Variants in CHD9 observed in about 807,000 individuals in gnomAD.
The protein encoded by CHD9 is chromodomain helicase DNA binding protein 9, also known as ATP-dependent chromatin remodeler CHD9.
A neutral mutation model predicts 316.1 loss-of-function variants in CHD9; 77 were observed. The ratio of observed to expected loss-of-function variants is 0.24; its 90% CI spans 0.20 to 0.29. The LOEUF (loss-of-function observed/expected upper bound fraction) is 0.29. Ranked by LOEUF, CHD9 falls within the 10% of genes least tolerant of loss-of-function variation. The pLI is 1.00. For synonymous variants in CHD9, 1,129 were observed against 1,158.3 expected, an observed-to-expected ratio of 0.97 and a Z score of 0.51; for missense variants, 2,763 against 3,438.1, an observed-to-expected ratio of 0.80 and a Z score of 4.91.
rs576133711 is a variant in CHD9, at chr16:53,097,504, A to G, written c.-165+42427A>G. 3.3e-5 allele frequency among the ~76,000 whole-genome samples: 5 copies of G among 152,130 alleles called. No homozygotes were observed. In the East Asian group the frequency reaches 7.8e-4, roughly 24 times the overall value. On this transcript the variant is annotated intron_variant, in intron 1 of 38. Transcript: ENST00000447540. ...AGCCTCAAACTCCTAGGCTCAAGCA[A>G]TCAGCCCCCATCAGCCTCCCAAAGC... is the stretch of plus-strand genomic sequence containing the variant.
chr16:53,254,606 G>A lies in CHD9; in HGVS notation c.4029+1G>A. The A allele has an allele frequency of 1.3e-6, 2 of 1,584,370 alleles. No individual in the cohort carries two copies. Among genetic ancestry groups the A allele is most frequent in the Non-Finnish European group, 1.7e-6 (2 of 1,161,612 alleles). ...TGGAAGAGAAAGTAATGTTGGTGGT[G>A]TATGTATAGTTTCTTTTTCACTTGA... On this transcript the variant is annotated splice_donor_variant, in intron 18 of 38. Transcript: ENST00000447540. LOFTEE classifies it high-confidence loss of function.
intron 8 of CHD9, among the ~76,000 whole-genome samples, chr16:53,230,633 C>T (rs1031448998): frequency 6.6e-5 from 10 of 151,752 alleles, no homozygotes; most frequent in Admixed American, 1.3e-4. Context: ...AGGGGAGAGT[C>T]GGTGAAGAAT....
chr16:53,306,538 A>G, intron 32 of CHD9, 141 bp downstream of exon 32: 2 of 555,274 alleles, frequency 3.6e-6, no homozygotes, highest in Non-Finnish European at 6.0e-6. Context: ...CCAAAAGTAT[A>G]AATTACTGCT....
chr16:53,277,055 G>A (rs2052912293), intron 24 of CHD9, among the ~76,000 whole-genome samples: 1 of 151,974 alleles, frequency 6.6e-6, no homozygotes, highest in Non-Finnish European at 1.5e-5. Context: ...GCTTAAATCA[G>A]GAAGAATTAG....
chr16:53,241,873 C>G (rs1054717840), intron 12 of CHD9, among the ~76,000 whole-genome samples: 14 of 152,202 alleles, frequency 9.2e-5, no homozygotes, highest in African/African-American at 3.4e-4. Flanking sequence ...TATGTCAAAT[C>G]AGGACACTTC....
At chr16:53,188,395 A>G (rs2044204751) in intron 2 of CHD9, among the ~76,000 whole-genome samples, 1 of 151,830 alleles carries the variant, frequency 6.6e-6, no homozygotes, top group Admixed American at 6.6e-5. Flanking sequence ...TAACTTTTAT[A>G]TTTTTCCAGA....
At chr16:53,212,129 C>G (rs1310938690) in intron 3 of CHD9, among the ~76,000 whole-genome samples, 12 of 152,058 alleles carry the variant, frequency 7.9e-5, no homozygotes, top group Non-Finnish European at 1.8e-4. Flanking sequence ...TGGCTGGGCG[C>G]GGTGGCTCAT....
chr16:53,210,557 A>G (rs2046250547), intron 3 of CHD9, among the ~76,000 whole-genome samples: 1 of 152,092 alleles, frequency 6.6e-6, no homozygotes, highest in African/African-American at 2.4e-5. Flanking sequence ...CTTAGCATGC[A>G]AGGGTAAGCA....
rs146278109 is a variant in CHD9, at chr16:53,297,217, C to T, written c.5713+59C>T. Reference sequence around the variant, plus strand: ...CAAAGAAGCAAAAATCACTAAAATTCGGAAATTTCCAATTTGTCTCTTTTA... The same window carrying T: ...CAAAGAAGCAAAAATCACTAAAATTTGGAAATTTCCAATTTGTCTCTTTTA... On this transcript the variant is annotated intron_variant, in intron 30 of 38. Coordinates refer to ENST00000447540, the MANE Select transcript of CHD9 (RefSeq NM_001308319.2). 68 of 1,254,516 alleles carry T rather than the reference C, an allele frequency of 5.4e-5. No homozygotes were observed. The African/African-American group carries it at 6.9e-4, about 13-fold the overall frequency. 77.7% of individuals were successfully genotyped at this position (1,254,516 alleles called of 1,614,324 possible).
At chr16:53,232,430 T>C (rs1402129935) in intron 10 of CHD9, among the ~76,000 whole-genome samples, 1 of 152,208 alleles carries the variant, frequency 6.6e-6, no homozygotes, top group African/African-American at 2.4e-5. Flanking sequence ...ATATATGTTA[T>C]AGGCCTTGGT....
At chr16:53,235,155 A>C in intron 10 of CHD9, 30 bp from the exon 11 acceptor site, 1 of 1,540,866 alleles carries the variant, frequency 6.5e-7, no homozygotes, top group East Asian at 2.4e-5. Flanking sequence ...GAAGATTTAA[A>C]CACCATTCAT....
At chr16:53,140,923 C>G (rs2040064515) in intron 1 of CHD9, among the ~76,000 whole-genome samples, 1 of 152,046 alleles carries the variant, frequency 6.6e-6, no homozygotes, top group Admixed American at 6.6e-5. Context: ...GTGGGAATGC[C>G]AACAAAGTAA....
chr16:53,211,561 T>C (rs961177163), intron 3 of CHD9, among the ~76,000 whole-genome samples: 2 of 152,132 alleles, frequency 1.3e-5, no homozygotes, highest in African/African-American at 4.8e-5. Context: ...GGTAAAATAT[T>C]GAGTAGTTGC....
intron 3 of CHD9, among the ~76,000 whole-genome samples, chr16:53,220,379 A>G (rs1377514402): frequency 2.6e-5 from 4 of 152,216 alleles, no homozygotes; most frequent in African/African-American, 4.8e-5. Context: ...AAGTCTAGTC[A>G]TCCAGTCAAT....
intron 36 of CHD9, among the ~76,000 whole-genome samples, chr16:53,316,995 T>C (rs2056926866): frequency 1.3e-5 from 2 of 151,706 alleles, no homozygotes; most frequent in South Asian, 4.2e-4. Context: ...GGTCAGGAGT[T>C]CAAGACCAAC....
chr16:53,097,354 CCCTTCCTT>C (rs58688221), intron 1 of CHD9, among the ~76,000 whole-genome samples: 4,418 of 92,066 alleles, frequency 0.048, 237 homozygotes, highest in Admixed American at 0.2. Context: ...ACCTCGCTCT[CCCTTCCTT>C]CCTTCCTTCC....
intron 1 of CHD9, among the ~76,000 whole-genome samples, chr16:53,140,089 C>T (rs2039991150): frequency 6.6e-6 from 1 of 151,232 alleles, no homozygotes; most frequent in Admixed American, 6.6e-5. Flanking sequence ...CAGCAAGACC[C>T]TATCTTAAAA....
chr16:53,178,535 T>C (rs767464780), intron 2 of CHD9, among the ~76,000 whole-genome samples: 22 of 150,748 alleles, frequency 1.5e-4, no homozygotes, highest in Non-Finnish European at 2.8e-4. Flanking sequence ...TGGGTTCAAG[T>C]GATCTTCCGT....
rs569104375 is a variant in CHD9, at chr16:53,135,906, GAAAT to G, written c.-164-20015_-164-20012del. Among the ~76,000 whole-genome samples, 255 of 152,266 alleles carry G rather than the reference GAAAT, an allele frequency of 1.7e-3. 1 individual carries two copies. The highest frequency in any genetic ancestry group is 5.3e-3 in the African/African-American group (222 of 41,564). On this transcript the variant is annotated intron_variant, in intron 1 of 38. Coordinates refer to ENST00000447540, the MANE Select transcript of CHD9 (RefSeq NM_001308319.2). ...TTATATTAAATATGAAAATTTGAGA[GAAAT>G]AAATCAATATAATATTGAATGGATA...
Sources: gnomAD v4.1 joint callset for allele counts (sites outside exome capture counted in the v4.1 genomes callset) on GRCh38, gnomAD v4.1.1 for gene constraint, MANE v1.5 for transcripts, NCBI Gene and HGNC (gene_info 2026-07-23, HGNC 2026-07-21) for gene names.